MAGI2: variants seen among roughly 807,000 people sequenced by gnomAD.
The protein encoded by MAGI2 is membrane-associated guanylate kinase, WW and PDZ domain-containing protein 2.
MAGI2 carries 35 observed loss-of-function variants against 133.3 expected under a neutral mutation model. That is an observed-to-expected ratio of 0.26 (90% CI 0.20 to 0.35). MAGI2 has a LOEUF of 0.35. Among genes scored for constraint, MAGI2 ranks in the 10% least tolerant of loss-of-function variants. The pLI is 1.00. For synonymous variants in MAGI2, 729 were observed against 710.6 expected, an observed-to-expected ratio of 1.03 and a Z score of -0.41; for missense variants, 1,636 against 1,863.4, an observed-to-expected ratio of 0.88 and a Z score of 2.25.
At chr7:79,173,328 T>A (rs1825797122) in intron 1 of MAGI2, among the ~76,000 whole-genome samples, 1 of 151,802 alleles carries the variant, frequency 6.6e-6, no homozygotes, top group Non-Finnish European at 1.5e-5. Context: ...TAATTGCATT[T>A]TTTTTTTTAC....
intron 1 of MAGI2, among the ~76,000 whole-genome samples, chr7:79,385,160 T>A (rs1844083982): frequency 6.6e-6 from 1 of 151,750 alleles, no homozygotes; most frequent in South Asian, 2.1e-4. Context: ...AGCATGTACA[T>A]AAAGTGTAAT....
At chr7:78,221,925 T>G (rs1163040874) in intron 10 of MAGI2, among the ~76,000 whole-genome samples, 7 of 151,898 alleles carry the variant, frequency 4.6e-5, no homozygotes, top group Non-Finnish European at 7.4e-5. Context: ...TGGTGTGTGC[T>G]TATAGTCCTA....
At chr7:78,378,294 T>C (rs962873346) in intron 6 of MAGI2, among the ~76,000 whole-genome samples, 1 of 152,018 alleles carries the variant, frequency 6.6e-6, no homozygotes, top group South Asian at 2.1e-4. Context: ...ATATGCATAA[T>C]TGGAATACAT....
intron 1 of MAGI2, among the ~76,000 whole-genome samples, chr7:79,103,133 C>A (rs1339774381): frequency 1.3e-5 from 2 of 152,182 alleles, no homozygotes; most frequent in African/African-American, 4.8e-5. Flanking sequence ...GATTCTGTTT[C>A]TTTTGTTGAA....
intron 1 of MAGI2, among the ~76,000 whole-genome samples, chr7:79,048,672 G>GC (rs774056549): frequency 6.6e-6 from 1 of 152,138 alleles, no homozygotes; most frequent in Non-Finnish European, 1.5e-5. Context: ...AAGCCATTAA[G>GC]CTTAAGAATT....
chr7:79,252,124 T>G (rs1363784194), intron 1 of MAGI2, among the ~76,000 whole-genome samples: 2 of 127,808 alleles, frequency 1.6e-5, no homozygotes, highest in African/African-American at 3.1e-5. Flanking sequence ...GCTGCTGCAC[T>G]CCAGCCTGTG....
At chr7:79,202,295 C>T (rs879745827) in intron 1 of MAGI2, among the ~76,000 whole-genome samples, 3 of 151,854 alleles carry the variant, frequency 2.0e-5, no homozygotes, top group Non-Finnish European at 4.4e-5. Flanking sequence ...GGAAGAGTCA[C>T]ACCCAATATG....
At chr7:79,191,402 CTTTTTTTTT>C (rs71095386) in intron 1 of MAGI2, among the ~76,000 whole-genome samples, 666 of 22,444 alleles carry the variant, frequency 0.03, 32 homozygotes, top group African/African-American at 0.08. Flanking sequence ...CTTTTTCTTT[CTTTTTTTTT>C]TTTTTTTTTT....
At chr7:78,338,437 T>G (rs917018709) in intron 9 of MAGI2, among the ~76,000 whole-genome samples, 16 of 152,216 alleles carry the variant, frequency 1.1e-4, no homozygotes, top group Non-Finnish European at 8.8e-5. Flanking sequence ...GATTCCCCCT[T>G]TCCTGTGTAC....
chr7:78,881,732 C>A (rs976955567), intron 2 of MAGI2, among the ~76,000 whole-genome samples: 9 of 151,652 alleles, frequency 5.9e-5, no homozygotes. Flanking sequence ...AAGCAGAGAT[C>A]AAAAAATTAC....
chr7:78,427,203 T>C (rs967082794), intron 6 of MAGI2, among the ~76,000 whole-genome samples: 9 of 151,574 alleles, frequency 5.9e-5, no homozygotes, highest in African/African-American at 1.7e-4. Flanking sequence ...ATGGGGCAAA[T>C]AGGAAGAATA....
At chr7:78,690,749 A>G (rs1816868816) in intron 2 of MAGI2, among the ~76,000 whole-genome samples, 1 of 152,198 alleles carries the variant, frequency 6.6e-6, no homozygotes, top group African/African-American at 2.4e-5. Flanking sequence ...CTCTCAGGAA[A>G]GTGGGAGAGA....
intron 2 of MAGI2, among the ~76,000 whole-genome samples, chr7:78,976,124 C>A (rs912588079): frequency 6.6e-6 from 1 of 151,312 alleles, no homozygotes; most frequent in Non-Finnish European, 1.5e-5. Flanking sequence ...GAAGGCGTTA[C>A]GAGAAAAGAA....
chr7:78,142,793 G>C (rs1822893379), intron 16 of MAGI2, among the ~76,000 whole-genome samples: 1 of 152,118 alleles, frequency 6.6e-6, no homozygotes, highest in African/African-American at 2.4e-5. Context: ...CAAATCTGTA[G>C]GTGTGTGGGG....
chr7:78,877,825 T>G (rs191811583), intron 2 of MAGI2, among the ~76,000 whole-genome samples: 1 of 152,374 alleles, frequency 6.6e-6, no homozygotes, highest in East Asian at 1.9e-4. Context: ...TCAGGATAAT[T>G]GCGTTTTTCA....
At position 78,670,377 on chromosome 7, in the gene MAGI2, C is replaced by A. The variant is rs917442838; in HGVS notation, c.419-43138G>T. ...TCCAACTTACAAGGGATGTGAAGGACCTCTTCAAGGAGAACTACAAACCAC... is the reference window on the plus strand; with the variant it reads ...TCCAACTTACAAGGGATGTGAAGGAACTCTTCAAGGAGAACTACAAACCAC... On this transcript the variant is annotated intron_variant, in intron 2 of 21. Transcript: ENST00000354212. Among the ~76,000 whole-genome samples, 3 of 152,180 alleles carry A rather than the reference C, an allele frequency of 2.0e-5. No homozygotes were observed. The East Asian group carries it at 5.8e-4, about 29-fold the overall frequency.
At chr7:78,121,107 G>T (rs934980416) in intron 20 of MAGI2, among the ~76,000 whole-genome samples, 6 of 149,022 alleles carry the variant, frequency 4.0e-5, no homozygotes, top group Middle Eastern at 3.4e-3. Flanking sequence ...TCAACTGTAG[G>T]TGATTAAATA....
At chr7:78,154,384 C>A (rs77012902) in intron 16 of MAGI2, among the ~76,000 whole-genome samples, 1 of 152,294 alleles carries the variant, frequency 6.6e-6, no homozygotes, top group Admixed American at 6.5e-5. Flanking sequence ...TGGAGGATTG[C>A]GAGGAGCCAG....
intron 2 of MAGI2, among the ~76,000 whole-genome samples, chr7:78,888,625 G>C (rs558825985): frequency 6.6e-6 from 1 of 152,310 alleles, no homozygotes; most frequent in Non-Finnish European, 1.5e-5. Context: ...ACAGGGTCTG[G>C]AGTGGACCTC....
Sources: allele counts gnomAD v4.1 joint callset (sites outside exome capture counted in the v4.1 genomes callset), GRCh38; gene constraint gnomAD v4.1.1; transcripts MANE v1.5; gene names NCBI Gene and HGNC (gene_info 2026-07-23, HGNC 2026-07-21).